PLEKHH2: variants seen among roughly 807,000 people sequenced by gnomAD.
PLEKHH2 encodes pleckstrin homology domain-containing family H member 2.
Under a neutral mutation model 187.9 loss-of-function variants are expected in PLEKHH2, and 129 were observed. That is an observed-to-expected ratio of 0.69 (90% CI 0.59 to 0.79). PLEKHH2 has a LOEUF of 0.79. PLEKHH2 is among the 30% of genes least tolerant of loss of function. The pLI is 0.00. For missense variants in PLEKHH2, 2,076 were observed against 1,751.2 expected (o/e 1.19, Z -3.31); for synonymous variants, 686 against 605.6 (o/e 1.13, Z -1.95).
At chr2:43,738,214 T>C in intron 19 of PLEKHH2, 127 bp from the exon 20 acceptor site, 1 of 744,376 alleles carries the variant, frequency 1.3e-6, no homozygotes, top group East Asian at 2.8e-5. Context: ...TTGATTAGTG[T>C]TATCATAATA....
intron 18 of PLEKHH2, among the ~76,000 whole-genome samples, chr2:43,730,476 G>A (rs979202752): frequency 1.3e-5 from 2 of 152,168 alleles, no homozygotes; most frequent in Non-Finnish European, 2.9e-5. Flanking sequence ...TCCGCTCACT[G>A]CAACCTCTGC....
intron 2 of PLEKHH2, among the ~76,000 whole-genome samples, chr2:43,651,729 T>A (rs760603060): frequency 2.0e-5 from 3 of 152,184 alleles, no homozygotes; most frequent in Admixed American, 6.5e-5. Context: ...CAAGGCATAT[T>A]CACTCTGAAC....
At chr2:43,707,953 T>C (rs79798536) in intron 11 of PLEKHH2, among the ~76,000 whole-genome samples, 5,536 of 152,314 alleles carry the variant, frequency 0.036, 329 homozygotes, top group African/African-American at 0.13. Flanking sequence ...CAACATTTAC[T>C]TGGAATATGT....
At chr2:43,735,532 T>G (rs1351456146) in intron 19 of PLEKHH2, among the ~76,000 whole-genome samples, 3 of 152,172 alleles carry the variant, frequency 2.0e-5, no homozygotes, top group African/African-American at 7.2e-5. Context: ...CAACTATAGC[T>G]GACAAGGACT....
chr2:43,677,810 A>G (rs77575799), intron 2 of PLEKHH2, among the ~76,000 whole-genome samples: 97,152 of 144,862 alleles, frequency 0.67, 33,239 homozygotes, highest in Middle Eastern at 0.76. Flanking sequence ...CGCACCGGGC[A>G]GCTGGCTGGG....
intron 16 of PLEKHH2, among the ~76,000 whole-genome samples, chr2:43,721,899 C>G (rs910018362): frequency 1.3e-5 from 2 of 150,998 alleles, no homozygotes; most frequent in African/African-American, 2.4e-5. Flanking sequence ...AATAAACAAA[C>G]AAACAAACAA....
intron 8 of PLEKHH2, 70 bp downstream of exon 8, chr2:43,700,678 A>G: frequency 8.6e-6 from 13 of 1,507,602 alleles, no homozygotes; most frequent in Non-Finnish European, 1.2e-5. Context: ...TCTGGGAGGG[A>G]GTCTCGCTCT....
At chr2:43,740,520 T>C (rs1191533511) in intron 20 of PLEKHH2, among the ~76,000 whole-genome samples, 1 of 152,226 alleles carries the variant, frequency 6.6e-6, no homozygotes, top group Non-Finnish European at 1.5e-5. Context: ...TTTAGGTATG[T>C]AGATACATAC....
At chr2:43,666,388 A>T (rs922295314) in intron 2 of PLEKHH2, among the ~76,000 whole-genome samples, 7 of 150,120 alleles carry the variant, frequency 4.7e-5, no homozygotes, top group Non-Finnish European at 8.8e-5. Context: ...CTCCCTAGTG[A>T]GATGAACCTG....
At chr2:43,705,423 T>A (rs1669611427) in intron 9 of PLEKHH2, among the ~76,000 whole-genome samples, 1 of 151,384 alleles carries the variant, frequency 6.6e-6, no homozygotes, top group Admixed American at 6.6e-5. Flanking sequence ...GCCTTGATAC[T>A]TTTTAAGATT....
At chr2:43,751,021 T>C (rs1294272249) in intron 24 of PLEKHH2, among the ~76,000 whole-genome samples, 3 of 152,216 alleles carry the variant, frequency 2.0e-5, no homozygotes, top group Admixed American at 6.5e-5. Flanking sequence ...CCACTTACTA[T>C]GTGGCCCTGA....
intron 17 of PLEKHH2, among the ~76,000 whole-genome samples, chr2:43,727,762 C>T (rs769977574): frequency 3.4e-4 from 51 of 152,140 alleles, no homozygotes; most frequent in Non-Finnish European, 6.5e-4. Context: ...GGTCACACAT[C>T]TGGCAAGAGG....
chr2:43,682,591 C>T (rs1443113863), intron 3 of PLEKHH2, among the ~76,000 whole-genome samples: 2 of 152,174 alleles, frequency 1.3e-5, no homozygotes, highest in Non-Finnish European at 2.9e-5. Flanking sequence ...AGGCATGAGC[C>T]ACCGTGCCCA....
At chr2:43,678,385 C>T (rs75551785) in intron 2 of PLEKHH2, among the ~76,000 whole-genome samples, 68,033 of 149,062 alleles carry the variant, frequency 0.46, 15,583 homozygotes, top group Non-Finnish European at 0.52. Flanking sequence ...TTGTAGCGAG[C>T]CGAGATCACG....
chr2:43,705,114 G>A (rs910127210), intron 9 of PLEKHH2, among the ~76,000 whole-genome samples: 2 of 151,944 alleles, frequency 1.3e-5, no homozygotes, highest in Non-Finnish European at 2.9e-5. Context: ...GAACTGTCTG[G>A]AATAACAAGA....
At chr2:43,701,298 G>A (rs969403532) in intron 8 of PLEKHH2, among the ~76,000 whole-genome samples, 6 of 152,184 alleles carry the variant, frequency 3.9e-5, no homozygotes, top group African/African-American at 1.4e-4. Flanking sequence ...CTTCTCAAGA[G>A]AAAGGGGAGA....
At chr2:43,736,193 A>G (rs1671282292) in intron 19 of PLEKHH2, among the ~76,000 whole-genome samples, 2 of 152,178 alleles carry the variant, frequency 1.3e-5, no homozygotes, top group African/African-American at 4.8e-5. Flanking sequence ...CTACAAACAA[A>G]AAGAGAATTT....
intron 17 of PLEKHH2, among the ~76,000 whole-genome samples, chr2:43,729,305 A>AT (rs1215357519): frequency 2.6e-5 from 4 of 152,212 alleles, no homozygotes; most frequent in Non-Finnish European, 5.9e-5. Flanking sequence ...TGGGAGCCAG[A>AT]TTTTTAATTT....
At chr2:43,702,024 C>T (rs779276734) in intron 8 of PLEKHH2, among the ~76,000 whole-genome samples, 42 of 152,296 alleles carry the variant, frequency 2.8e-4, no homozygotes, top group Non-Finnish European at 5.0e-4. Flanking sequence ...CCACCTCAGC[C>T]TCCCAAAGTG....
Sources: gnomAD v4.1 joint callset for allele counts (sites outside exome capture counted in the v4.1 genomes callset) on GRCh38, gnomAD v4.1.1 for gene constraint, MANE v1.5 for transcripts, NCBI Gene and HGNC (gene_info 2026-07-23, HGNC 2026-07-21) for gene names.